The following NAB2 variants were observed in gnomAD, a reference collection of about 807,000 sequenced individuals.
The protein encoded by NAB2 is NGFI-A binding protein 2, also known as NGFI-A-binding protein 2.
Under a neutral mutation model 44.2 loss-of-function variants are expected in NAB2, and 9 were observed. That is an observed-to-expected ratio of 0.20 (90% CI 0.12 to 0.36). The LOEUF (loss-of-function observed/expected upper bound fraction) is 0.36. NAB2 is among the 10% of genes least tolerant of loss of function. NAB2 has a pLI of 1.00. For synonymous variants in NAB2, 342 were observed against 291.0 expected, an observed-to-expected ratio of 1.18 and a Z score of -1.78; for missense variants, 514 against 709.0, an observed-to-expected ratio of 0.73 and a Z score of 3.12.
At chr12:57,089,613 C>T (rs182922771) in intron 1 of NAB2, among the ~76,000 whole-genome samples, 7 of 152,046 alleles carry the variant, frequency 4.6e-5, no homozygotes, top group Non-Finnish European at 1.0e-4. Flanking sequence ...GGCCTAAGAG[C>T]CCCCTGCAAA....
In NAB2 at chr12:57,093,314, G is replaced by T. The variant is rs186065396; in HGVS notation, c.1277-93G>T. The T allele has an allele frequency of 6.3e-5, 92 of 1,467,154 alleles. 1 individual carries two copies. The East Asian group carries it at 1.3e-3, about 20-fold the overall frequency. 90.9% of individuals were successfully genotyped at this position (1,467,154 alleles called of 1,614,324 possible). A position where few individuals can be genotyped will look rare whatever the true frequency, so the allele number is the denominator to read the frequency against. On this transcript the variant is annotated intron_variant, in intron 5 of 6. Transcript: ENST00000300131. Reference sequence around the variant, plus strand: ...ACAGGGTTGGGAGACCTGGCTGGAGGGGGGGCAGAAGGGCCTGTGGGCTGG... The same window carrying T: ...ACAGGGTTGGGAGACCTGGCTGGAGTGGGGGCAGAAGGGCCTGTGGGCTGG...
In NAB2 at chr12:57,092,495, G is replaced by C; in HGVS notation, c.1005G>C (p.Thr335=). The C allele has an allele frequency of 6.2e-7, 1 of 1,614,134 alleles. No individual in the cohort carries two copies. Among genetic ancestry groups the C allele is most frequent in the Non-Finnish European group, 8.5e-7 (1 of 1,180,020 alleles). Residue 335 remains threonine (T), a synonymous_variant, in exon 3 of 7, where the codon ACG becomes ACC. Transcript: ENST00000300131. ...AAAQFCMRDN[T]LLLRRVELFS... is the part of the protein sequence containing the mutation. ...CCCAGTTCTGCATGAGGGACAACAC[G>C]CTCTTATTACGGAGAGTGGAGCTCT...
chr12:57,093,522 G>T lies in NAB2; in HGVS notation c.1392G>T (p.Leu464=). 1.3e-6 allele frequency: 2 copies of T among 1,566,364 alleles called. No individual in the cohort carries two copies. Among genetic ancestry groups the T allele is most frequent in the Non-Finnish European group, 1.7e-6 (2 of 1,157,384 alleles). The change falls in exon 6 of 7, where the codon CTG becomes CTT. Residue 464 remains leucine, a synonymous_variant. Coordinates refer to ENST00000300131, the MANE Select transcript of NAB2 (RefSeq NM_005967.4). ...AGCAGACACTGATGGACGAGGGGCT[G>T]CGGCTCGCCCGCCTCGTCTCCCACG... ...ILQQTLMDEG[L]RLARLVSHDR... is the part of the protein sequence containing the mutation.
intron 6 of NAB2, among the ~76,000 whole-genome samples, chr12:57,094,052 C>A (rs2033269363): frequency 6.6e-6 from 1 of 150,616 alleles, no homozygotes; most frequent in East Asian, 2.0e-4. Flanking sequence ...CGGGCAGCCG[C>A]TGGGCTGAGA....
rs2136543003 is a variant in NAB2 at position 57,091,063 on chromosome 12, G to A, written c.84-62G>A. On this transcript the variant is annotated intron_variant, in intron 1 of 6. Coordinates refer to ENST00000300131, the MANE Select transcript of NAB2 (RefSeq NM_005967.4). This position sits in a 1 kb window ranked among gnomAD's most constrained non-coding sequence, Gnocchi z 7.3. ...GGAAAGAGGGAACAATTGTTAGTGTGGGTTGGTACCCAGTAGGGGGACTTG... is the reference window on the plus strand; with the variant it reads ...GGAAAGAGGGAACAATTGTTAGTGTAGGTTGGTACCCAGTAGGGGGACTTG... The A allele has an allele frequency of 1.5e-6, 2 of 1,351,472 alleles. No individual in the cohort carries two copies. Among genetic ancestry groups the A allele is most frequent in the Non-Finnish European group, 2.0e-6 (2 of 993,952 alleles). The allele number at this position is 1,351,472 out of a possible 1,614,324, so 83.7% of individuals were successfully genotyped here. A position where few individuals can be genotyped will look rare whatever the true frequency, so the allele number is the denominator to read the frequency against.
At chr12:57,093,340 C>G in intron 5 of NAB2, 67 bp from the exon 6 acceptor site, 1 of 1,472,752 alleles carries the variant, frequency 6.8e-7, no homozygotes, top group Non-Finnish European at 9.0e-7. Context: ...TGTGGGCTGG[C>G]TATGTGGTTG....
At chr12:57,093,283 C>T in intron 5 of NAB2, 88 bp downstream of exon 5, 1 of 1,489,388 alleles carries the variant, frequency 6.7e-7, no homozygotes, top group Non-Finnish European at 8.9e-7. Context: ...GGAGGCAGTG[C>T]CTGAAACAGG....
At chr12:57,092,178 G>T in intron 2 of NAB2, 180 bp downstream of exon 2, 2 of 1,182,194 alleles carry the variant, frequency 1.7e-6, no homozygotes, top group Non-Finnish European at 1.1e-6. Flanking sequence ...CCTCAGCTGA[G>T]GGGGAAGCAG....
intron 6 of NAB2, 32 bp downstream of exon 6, chr12:57,093,630 C>T (rs902823948): frequency 1.6e-5 from 24 of 1,457,860 alleles, no homozygotes; most frequent in Non-Finnish European, 2.0e-5. Flanking sequence ...TCCCCAAGCA[C>T]CCCGGCCACT....
chr12:57,092,871 T>G lies in NAB2; in HGVS notation c.1092-46T>G, dbSNP rs201943990. The G allele has an allele frequency of 1.2e-4, 196 of 1,607,106 alleles. 3 individuals are homozygous for G. The East Asian group carries it at 4.3e-3, about 36-fold the overall frequency. On this transcript the variant is annotated intron_variant, in intron 3 of 6. Transcript: ENST00000300131. ...TGGGTTCTGTGCTCTGCCAGTCGAG[T>G]GGCCCTCGTCAGCCTCATCCACTTT...
At chr12:57,094,546 T>C in intron 6 of NAB2, 66 bp from the exon 7 acceptor site, 1 of 1,337,722 alleles carries the variant, frequency 7.5e-7, no homozygotes, top group Non-Finnish European at 1.0e-6. Flanking sequence ...CCTGCTTCTG[T>C]TCCCAACCAC....
At chr12:57,090,517 C>T (rs951497396) in intron 1 of NAB2, among the ~76,000 whole-genome samples, 1 of 151,334 alleles carries the variant, frequency 6.6e-6, no homozygotes, top group Non-Finnish European at 1.5e-5. Flanking sequence ...ATGCTTAACC[C>T]CTGGGAAAAG....
At position 57,094,903 on chromosome 12, in the gene NAB2, A is replaced by C; in HGVS notation, c.*182A>C. On this transcript the variant is annotated 3_prime_UTR_variant, in exon 7 of 7. Coordinates refer to ENST00000300131, the MANE Select transcript of NAB2 (RefSeq NM_005967.4). ...CAAGCAATAACAAGCAGAGGCCTGG[A>C]GAGAGGACACAAGGAGGGTGCGTGG... 1 of 605,712 alleles carries C rather than the reference A, an allele frequency of 1.7e-6. No homozygotes were observed. Among genetic ancestry groups the C allele is most frequent in the East Asian group, 2.8e-5 (1 of 35,588 alleles). 37.5% of individuals were successfully genotyped at this position (605,712 alleles called of 1,614,324 possible).
chr12:57,094,259 G>C (rs1337559030), intron 6 of NAB2, among the ~76,000 whole-genome samples: 1 of 145,372 alleles, frequency 6.9e-6, no homozygotes, highest in Non-Finnish European at 1.5e-5. Context: ...GCCTGGGAGG[G>C]GGCCAGGGAT....
intron 6 of NAB2, among the ~76,000 whole-genome samples, 197 bp from the exon 7 acceptor site, chr12:57,094,415 A>G (rs1278605379): frequency 6.6e-6 from 1 of 151,844 alleles, no homozygotes; most frequent in Non-Finnish European, 1.5e-5. Context: ...AGAGCTACGC[A>G]CAGCCAGGGA....
chr12:57,090,213 C>T (rs184860306), intron 1 of NAB2, among the ~76,000 whole-genome samples: 1 of 152,146 alleles, frequency 6.6e-6, no homozygotes, highest in African/African-American at 2.4e-5. Context: ...CGGGCGGGCC[C>T]GGTGGCTCAG....
At chr12:57,092,171 C>T (rs1254230308) in intron 2 of NAB2, 173 bp downstream of exon 2, 1 of 1,203,916 alleles carries the variant, frequency 8.3e-7, no homozygotes, top group Non-Finnish European at 1.1e-6. Flanking sequence ...CTTCCATCCT[C>T]AGCTGAGGGG....
At position 57,091,794 on chromosome 12, in the gene NAB2, G is replaced by A. The variant is rs550057674; in HGVS notation, c.753G>A (p.Arg251=). The A allele has an allele frequency of 3.1e-6, 5 of 1,614,212 alleles. No individual in the cohort carries two copies. Among genetic ancestry groups the A allele is most frequent in the Middle Eastern group, 1.6e-4 (1 of 6,062 alleles). ...GCATGGTGGTGGAAAGTGTGGAGAG[G>A]ATCTTCCGGAGCTTCCCAAGGGGGG... ...MVRMVVESVE[R]IFRSFPRGDA... The change falls in exon 2 of 7, where the codon AGG becomes AGA. Residue 251 remains arginine, a synonymous_variant. Coordinates refer to ENST00000300131, the MANE Select transcript of NAB2 (RefSeq NM_005967.4). The surrounding 1 kb of genome is among the most constrained non-coding windows in gnomAD (Gnocchi z 7.3).
At chr12:57,093,338 G>T in intron 5 of NAB2, 69 bp from the exon 6 acceptor site, 1 of 1,474,298 alleles carries the variant, frequency 6.8e-7, no homozygotes, top group Admixed American at 2.4e-5. Flanking sequence ...CCTGTGGGCT[G>T]GCTATGTGGT....
Sources: gnomAD v4.1 joint callset for allele counts (sites outside exome capture counted in the v4.1 genomes callset) on GRCh38, gnomAD v4.1.1 for gene constraint, Gnocchi (gnomAD v3.1) non-coding constraint, MANE v1.5 for transcripts, NCBI Gene and HGNC (gene_info 2026-07-23, HGNC 2026-07-21) for gene names.